Variants in GLYR1 observed in about 807,000 individuals in gnomAD.
GLYR1 encodes the protein glyoxylate reductase 1 homolog, also known as cytokine-like nuclear factor N-PAC.
GLYR1 carries 21 observed loss-of-function variants against 72.7 expected under a neutral mutation model. The observed-to-expected ratio is 0.29, with a 90% CI of 0.20 to 0.42. GLYR1 has a LOEUF of 0.42. Ranked by LOEUF, GLYR1 falls within the 10% of genes least tolerant of loss-of-function variation. The probability of loss-of-function intolerance (pLI) is 1.00; values close to 1 mark genes in which losing one functional copy is unlikely to be tolerated. For missense variants in GLYR1, 594 were observed against 712.1 expected, an observed-to-expected ratio of 0.83 and a Z score of 1.89; for synonymous variants, 392 against 270.2, an observed-to-expected ratio of 1.45 and a Z score of -4.42.
chr16:4,841,493 A>C (rs1031543640), intron 3 of GLYR1, among the ~76,000 whole-genome samples: 1 of 150,642 alleles, frequency 6.6e-6, no homozygotes, highest in Non-Finnish European at 1.5e-5. Context: ...AAAAGTAAAA[A>C]ATTTAGCAGG....
intron 3 of GLYR1, among the ~76,000 whole-genome samples, chr16:4,840,879 C>T (rs2085500706): frequency 6.6e-6 from 1 of 152,152 alleles, no homozygotes; most frequent in African/African-American, 2.4e-5. Flanking sequence ...CATAGAAAAA[C>T]ACAAAATAAA....
rs149553417 is a variant in GLYR1, at chr16:4,847,239, G to C, written c.27C>G (p.Gly9=). MAAVSLRL[G]DLVWGKLGRY... Reference sequence around the variant, plus strand: ...CCGCTCGGACTCACCACACCAAGTCGCCGAGCCGCAGACTCACAGCCGCCA... The same window carrying C: ...CCGCTCGGACTCACCACACCAAGTCCCCGAGCCGCAGACTCACAGCCGCCA... The change falls in exon 1 of 16, where the codon GGC becomes GGG. Residue 9 remains glycine (G), a synonymous_variant. Transcript: ENST00000321919. 3.1e-6 allele frequency: 5 copies of C among 1,607,786 alleles called. No homozygotes were observed. Among genetic ancestry groups the C allele is most frequent in the African/African-American group, 1.3e-5 (1 of 74,546 alleles).
chr16:4,844,437 T>C (rs1228155505), intron 3 of GLYR1, among the ~76,000 whole-genome samples: 1 of 152,244 alleles, frequency 6.6e-6, no homozygotes, highest in Non-Finnish European at 1.5e-5. Context: ...TGAACCATAA[T>C]GATATATGGC....
chr16:4,832,745 T>A, intron 4 of GLYR1, 29 bp downstream of exon 4: 2 of 1,583,674 alleles, frequency 1.3e-6, no homozygotes, highest in Middle Eastern at 1.7e-4. Context: ...AGTCTGGCAT[T>A]GGTAGAAAGT....
intron 10 of GLYR1, among the ~76,000 whole-genome samples, chr16:4,814,890 G>A (rs1020401044): frequency 6.6e-6 from 1 of 152,184 alleles, no homozygotes; most frequent in African/African-American, 2.4e-5. Context: ...AGTGTCTGCT[G>A]AAGGTATGCT....
At chr16:4,847,173 G>C (rs1411521611) in intron 1 of GLYR1, 55 bp downstream of exon 1, 2 of 1,528,556 alleles carry the variant, frequency 1.3e-6, no homozygotes, top group Non-Finnish European at 1.8e-6. Context: ...CGAACCCCGC[G>C]CCCAGGCGGG....
rs548717041 is a variant in GLYR1 at position 4,824,104 on chromosome 16, T to C, written c.538-197A>G. ...TCTCAATTCTGGAAATAATAAAATG[T>C]GTACTTATGTCTAAATTTCACAAAG... On this transcript the variant is annotated intron_variant, in intron 5 of 15. Transcript: ENST00000321919. Among the ~76,000 whole-genome samples the C allele has an allele frequency of 3.9e-5, 6 of 152,330 alleles. No individual in the cohort carries two copies. In the South Asian group the frequency reaches 1.0e-3, roughly 26 times the overall value.
At chr16:4,824,357 T>C (rs1349424505) in intron 5 of GLYR1, among the ~76,000 whole-genome samples, 4 of 151,382 alleles carry the variant, frequency 2.6e-5, no homozygotes, top group Non-Finnish European at 5.9e-5. Flanking sequence ...TACTAAAAAA[T>C]ACAAAAATTA....
intron 5 of GLYR1, among the ~76,000 whole-genome samples, chr16:4,826,258 T>C (rs917874338): frequency 6.6e-6 from 1 of 152,180 alleles, no homozygotes; most frequent in Non-Finnish European, 1.5e-5. Context: ...TATTTGCAAT[T>C]ATTTGTTTTC....
Position 4,823,899 on chromosome 16 carries a change from G to A in GLYR1, c.546C>T (p.Thr182=). Residue 182 remains threonine, a synonymous_variant, in exon 6 of 16, where the codon ACC becomes ACT. Transcript: ENST00000321919. ...CCTTCACGGTACTAGACTCCGGGAT[G>A]GTGAGATCCTATAGAGGGAGGGGCA... ...GRPPKDEKDL[T]IPESSTVKGM... 6.2e-7 allele frequency: 1 copy of A among 1,613,882 alleles called. No individual in the cohort carries two copies. The highest frequency in any genetic ancestry group is 1.3e-5 in the African/African-American group (1 of 75,030).
intron 15 of GLYR1, among the ~76,000 whole-genome samples, chr16:4,805,797 G>A (rs908775334): frequency 2.0e-5 from 3 of 151,798 alleles, no homozygotes; most frequent in Non-Finnish European, 4.4e-5. Flanking sequence ...TGACCGTCGT[G>A]AAACCCCTTC....
At chr16:4,826,899 A>T (rs1309151034) in intron 5 of GLYR1, among the ~76,000 whole-genome samples, 1 of 152,222 alleles carries the variant, frequency 6.6e-6, no homozygotes, top group Non-Finnish European at 1.5e-5. Context: ...AGGAGGAGGC[A>T]GCTTGTAACT....
At chr16:4,824,520 A>G (rs1021178690) in intron 5 of GLYR1, among the ~76,000 whole-genome samples, 15 of 152,066 alleles carry the variant, frequency 9.9e-5, no homozygotes, top group African/African-American at 3.4e-4. Flanking sequence ...AAAAAAGAAA[A>G]AAAAGAAACA....
chr16:4,820,186 A>C (rs1240145595), intron 9 of GLYR1, among the ~76,000 whole-genome samples: 1 of 152,126 alleles, frequency 6.6e-6, no homozygotes, highest in Non-Finnish European at 1.5e-5. Context: ...ACAGGGTTTC[A>C]CCATGTTGGC....
chr16:4,831,921 C>G, intron 5 of GLYR1, 58 bp downstream of exon 5: 1 of 1,577,980 alleles, frequency 6.3e-7, no homozygotes, highest in Non-Finnish European at 8.6e-7. Context: ...TAGAGCTTAA[C>G]TCTACCTTGT....
At chr16:4,821,803 G>A in intron 7 of GLYR1, 1 of 618,436 alleles carries the variant, frequency 1.6e-6, no homozygotes, top group Non-Finnish European at 2.9e-6. Flanking sequence ...TCTTTTTGCT[G>A]ACCATGGTGT....
intron 9 of GLYR1, among the ~76,000 whole-genome samples, chr16:4,818,634 T>C (rs2141977269): frequency 6.6e-6 from 1 of 152,312 alleles, no homozygotes; most frequent in South Asian, 2.1e-4. Context: ...ACTGAAGCAC[T>C]GTGTTTAGAG....
Position 4,847,242 on chromosome 16 carries a change from G to A in GLYR1, c.24C>T (p.Leu8=), listed in dbSNP as rs1190338905. 2 of 1,609,132 alleles carry A rather than the reference G, an allele frequency of 1.2e-6. No individual in the cohort carries two copies. Among genetic ancestry groups the A allele is most frequent in the South Asian group, 1.1e-5 (1 of 90,734 alleles). ...CTCGGACTCACCACACCAAGTCGCC[G>A]AGCCGCAGACTCACAGCCGCCATCT... MAAVSLR[L]GDLVWGKLGR... is the part of the protein sequence containing the mutation. Residue 8 remains leucine, a synonymous_variant, in exon 1 of 16, where the codon CTC becomes CTT. Transcript: ENST00000321919.
chr16:4,827,150 A>G (rs1053393532), intron 5 of GLYR1, among the ~76,000 whole-genome samples: 9 of 152,222 alleles, frequency 5.9e-5, no homozygotes, highest in African/African-American at 2.2e-4. Flanking sequence ...TTTTTCCATT[A>G]ATCCTCACGG....
Sources: allele counts gnomAD v4.1 joint callset (sites outside exome capture counted in the v4.1 genomes callset), GRCh38; gene constraint gnomAD v4.1.1; transcripts MANE v1.5; gene names NCBI Gene and HGNC (gene_info 2026-07-23, HGNC 2026-07-21).